The following ZNF429 variants were observed in gnomAD, a reference collection of about 807,000 sequenced individuals.
ZNF429 encodes zinc finger protein 429.
In ZNF429, 53 loss-of-function variants were observed where a neutral mutation model predicts 56.8. The observed-to-expected ratio is 0.93, with a 90% CI of 0.75 to 1.17. ZNF429 has a LOEUF of 1.17. Ranked by LOEUF, ZNF429 falls within the 50% of genes most tolerant of loss-of-function variation. ZNF429 has a pLI of 0.00. For synonymous variants in ZNF429, 278 were observed against 264.7 expected (o/e 1.05, Z -0.49); for missense variants, 849 against 788.4 (o/e 1.08, Z -0.92).
intron 1 of ZNF429, among the ~76,000 whole-genome samples, chr19:21,525,319 C>T (rs550426323): frequency 2.0e-5 from 3 of 149,380 alleles, no homozygotes; most frequent in Admixed American, 6.7e-5. Context: ...AAATTGACAG[C>T]ACAGTAGCTA....
Position 21,535,475 on chromosome 19 carries a change from T to G in ZNF429, c.227-805T>G. Among the ~76,000 whole-genome samples, 3 of 119,856 alleles carry G rather than the reference T, an allele frequency of 2.5e-5. 1 individual carries two copies. Among genetic ancestry groups the G allele is most frequent in the African/African-American group, 1.1e-4 (3 of 28,220 alleles). 78.6% of individuals were successfully genotyped at this position (119,856 alleles called of 152,430 possible). ...TTCTTTCTTTCTTTCTTTCTTTCTT[T>G]CTTTCTTTCTTTCTTTCTTTCTTCT... On this transcript the variant is annotated intron_variant, in intron 3 of 3. Transcript: ENST00000358491.
chr19:21,533,719 A>T, intron 3 of ZNF429, among the ~76,000 whole-genome samples: 2 of 148,858 alleles, frequency 1.3e-5, no homozygotes, highest in Admixed American at 6.7e-5. Context: ...GTACCGGTGT[A>T]GTCTCAGCTC....
At chr19:21,515,015 A>T (rs2032672687) in intron 1 of ZNF429, among the ~76,000 whole-genome samples, 1 of 151,458 alleles carries the variant, frequency 6.6e-6, no homozygotes, top group Admixed American at 6.6e-5. Context: ...ATCCCCGCTC[A>T]CTGCAGCCTC....
chr19:21,519,101 G>T (rs2032890778), intron 1 of ZNF429: 2 of 152,124 alleles, frequency 1.3e-5, no homozygotes, highest in African/African-American at 4.8e-5. Flanking sequence ...CTAATTTTCT[G>T]CCTCAAGGTG....
chr19:21,528,253 G>A (rs2033237613), intron 1 of ZNF429, among the ~76,000 whole-genome samples: 1 of 152,162 alleles, frequency 6.6e-6, no homozygotes, highest in Non-Finnish European at 1.5e-5. Flanking sequence ...GGTTCCATCT[G>A]TGTTCTCCAT....
rs774150486 is a variant in ZNF429 at position 21,537,213 on chromosome 19, A to G, written c.1160A>G (p.His387Arg). 11 of 1,613,786 alleles carry G rather than the reference A, an allele frequency of 6.8e-6. No homozygotes were observed. The African/African-American group carries it at 1.5e-4, about 22-fold the overall frequency. The change falls in exon 4 of 4, where the codon CAT (histidine) becomes CGT (arginine). Residue 387 changes from histidine to arginine, a missense_variant. Transcript: ENST00000358491. ...AFNQSSRLTR[H>R]KKIHTGEEPY... ...AACCAGTCTTCAAGACTTACTCGAC[A>G]TAAAAAAATTCATACTGGAGAGGAA...
chr19:21,530,495 A>G, intron 2 of ZNF429, 94 bp from the exon 3 acceptor site: 1 of 731,974 alleles, frequency 1.4e-6, no homozygotes, highest in Non-Finnish European at 2.0e-6. Context: ...AATTTACTAG[A>G]ATATTATATT....
chr19:21,522,032 CTCG>C (rs1164198855), intron 1 of ZNF429: 1 of 152,274 alleles, frequency 6.6e-6, no homozygotes, highest in African/African-American at 2.4e-5. Flanking sequence ...CGAGAGGACA[CTCG>C]TCATCAGGAG....
At chr19:21,524,395 G>A (rs1413206337) in intron 1 of ZNF429, among the ~76,000 whole-genome samples, 1 of 152,168 alleles carries the variant, frequency 6.6e-6, no homozygotes, top group Non-Finnish European at 1.5e-5. Context: ...GAGTGTGGTG[G>A]CACATGCCTG....
At position 21,540,392 on chromosome 19, in the gene ZNF429, ATTTTT is replaced by A. The variant is rs927913869; in HGVS notation, c.*2317_*2321del. Among the ~76,000 whole-genome samples, 6 of 151,860 alleles carry A rather than the reference ATTTTT, an allele frequency of 4.0e-5. 1 individual carries two copies. Among genetic ancestry groups the A allele is most frequent in the African/African-American group, 1.5e-4 (6 of 41,360 alleles). On this transcript the variant is annotated 3_prime_UTR_variant, in exon 4 of 4. Coordinates refer to ENST00000358491, the MANE Select transcript of ZNF429 (RefSeq NM_001001415.4). ...TATTTATCCTTTTTTTGATATTTAA[ATTTTT>A]TTCTTATTTTTTTGTGGGTACATAA...
At position 21,537,867 on chromosome 19, in the gene ZNF429, C is replaced by T. The variant is rs1206568586; in HGVS notation, c.1814C>T (p.Ser605Phe). Residue 605 changes from serine (S) to phenylalanine (F), a missense_variant, in exon 4 of 4, where the codon TCC becomes TTC. Transcript: ENST00000358491. ...CEECGKAFNRSSRLTQHKKIH... is the reference protein window; with the variant it reads ...CEECGKAFNRFSRLTQHKKIH... ...GAATGTGGCAAAGCTTTTAATCGGT[C>T]CTCAAGACTTACTCAACATAAGAAA... 6.2e-7 allele frequency: 1 copy of T among 1,614,008 alleles called. No individual in the cohort carries two copies. Among genetic ancestry groups the T allele is most frequent in the South Asian group, 1.1e-5 (1 of 91,086 alleles).
chr19:21,536,789 A>G lies in ZNF429; in HGVS notation c.736A>G (p.Asn246Asp). ...ATTTAACCACTACTCAACCCTTACT[A>G]ACCATAAGAGAATTCATACTGGAGA... ...KAFNHYSTLT[N>D]HKRIHTGEKP... The change falls in exon 4 of 4, where the codon AAC becomes GAC. Residue 246 changes from asparagine (N) to aspartate (D), a missense_variant. Physicochemically the swap from Asn to Asp is conservative, Grantham distance 23. Transcript: ENST00000358491. 6.2e-7 allele frequency: 1 copy of G among 1,613,336 alleles called. No homozygotes were observed. The highest frequency in any genetic ancestry group is 1.1e-5 in the South Asian group (1 of 91,040).
intron 3 of ZNF429, among the ~76,000 whole-genome samples, chr19:21,533,570 CTT>C: frequency 1.5e-5 from 2 of 137,042 alleles, no homozygotes; most frequent in Non-Finnish European, 1.6e-5. Context: ...GTTAGTGGTT[CTT>C]TTTTTTTTTA....
chr19:21,521,389 C>T (rs2032980453), intron 1 of ZNF429: 1 of 152,084 alleles, frequency 6.6e-6, no homozygotes, highest in South Asian at 2.1e-4. Flanking sequence ...ACAATAGATC[C>T]CCCATTTGAT....
At position 21,506,324 on chromosome 19, in the gene ZNF429, G is replaced by A. The variant is rs909665931; in HGVS notation, c.3+550G>A. ...AATACAAAAATTAGCCGGATGTGGT[G>A]GCAGGCATCTGTAATCCCAGCTATG... On this transcript the variant is annotated intron_variant, in intron 1 of 3. Transcript: ENST00000358491. Among the ~76,000 whole-genome samples the A allele has an allele frequency of 2.6e-5, 4 of 151,996 alleles. No homozygotes were observed. The East Asian group carries it at 7.7e-4, about 29-fold the overall frequency.
Position 21,530,669 on chromosome 19 carries a change from G to A in ZNF429, c.211G>A (p.Val71Met). The A allele has an allele frequency of 6.2e-7, 1 of 1,608,682 alleles. No homozygotes were observed. The highest frequency in any genetic ancestry group is 8.5e-7 in the Non-Finnish European group (1 of 1,176,648). Residue 71 changes from valine to methionine, a missense_variant, in exon 3 of 4, where the codon GTG becomes ATG. By Grantham distance (21) the Val-to-Met change is conservative. Transcript: ENST00000358491. ...CTGCAAGATGAAGCGACATGAAATG[G>A]TGGATGAACCCCCAGGTAGGTGAGA... Reference protein sequence around the residue: ...EPCKMKRHEMVDEPPVVCSHF... With the variant: ...EPCKMKRHEMMDEPPVVCSHF...
chr19:21,510,599 T>TA (rs1177417641), intron 1 of ZNF429, among the ~76,000 whole-genome samples: 3 of 151,738 alleles, frequency 2.0e-5, no homozygotes, highest in Admixed American at 6.6e-5. Flanking sequence ...AATTTTTTTT[T>TA]ATTGATCATT....
chr19:21,506,221 C>T (rs4462729), intron 1 of ZNF429: 3,861 of 153,478 alleles, frequency 0.025, 151 homozygotes, highest in African/African-American at 0.087. Context: ...CAGCAGTTTG[C>T]TGGGAGGCGG....
At chr19:21,505,811 A>C (rs1258803988) in intron 1 of ZNF429, 37 bp downstream of exon 1, 3 of 1,603,690 alleles carry the variant, frequency 1.9e-6, no homozygotes, top group Middle Eastern at 1.7e-4. Flanking sequence ...AGAGAGGGGG[A>C]GGGGCTGGTC....
Sources: gnomAD v4.1 joint callset for allele counts (sites outside exome capture counted in the v4.1 genomes callset) on GRCh38, gnomAD v4.1.1 for gene constraint, MANE v1.5 for transcripts, NCBI Gene and HGNC (gene_info 2026-07-23, HGNC 2026-07-21) for gene names.